Variants in HMX1 observed in about 807,000 individuals in gnomAD.
HMX1 encodes H6 family homeobox 1, also known as homeobox protein HMX1.
A neutral mutation model predicts 8.9 loss-of-function variants in HMX1; 8 were observed. That is an observed-to-expected ratio of 0.90 (90% CI 0.53 to 1.63). The LOEUF (loss-of-function observed/expected upper bound fraction) is 1.63, where lower values mean the gene tolerates loss of function less well. Among genes scored for constraint, HMX1 ranks in the 40% most tolerant of loss-of-function variants. HMX1 has a pLI of 0.00. For synonymous variants in HMX1, 311 were observed against 283.4 expected (o/e 1.10, Z -0.98); for missense variants, 621 against 558.5 (o/e 1.11, Z -1.13).
At chr4:8,865,417 C>G (rs551676131), downstream of HMX1, among the ~76,000 whole-genome samples, 1 of 152,124 alleles carries the variant, frequency 6.6e-6, no homozygotes, top group East Asian at 1.9e-4. Context: ...GCAGTGCCAC[C>G]GGCACACAGT....
At chr4:8,850,347 G>A (rs1429877575) in intron 1 of HMX1, among the ~76,000 whole-genome samples, 5 of 152,110 alleles carry the variant, frequency 3.3e-5, no homozygotes, top group African/African-American at 7.2e-5. Context: ...GACCCCTTCC[G>A]GTGGGGTTCC....
intron 1 of HMX1, among the ~76,000 whole-genome samples, chr4:8,850,699 G>A (rs1356742315): frequency 1.3e-5 from 2 of 152,108 alleles, no homozygotes; most frequent in African/African-American, 2.4e-5. Context: ...CTGCCCCTCC[G>A]CCTCCCTGGA....
chr4:8,851,116 C>T (rs564177471), intron 1 of HMX1, among the ~76,000 whole-genome samples: 283 of 152,372 alleles, frequency 1.9e-3, no homozygotes, highest in Middle Eastern at 0.01. Context: ...GCTGCCCAAG[C>T]AGCCGTCGTT....
In HMX1 at chr4:8,848,016, T is replaced by C. The variant is rs1473643923; in HGVS notation, c.395-1692A>G. Among the ~76,000 whole-genome samples the C allele has an allele frequency of 6.6e-6, 1 of 152,194 alleles. No homozygotes were observed. Among genetic ancestry groups the C allele is most frequent in the African/African-American group, 2.4e-5 (1 of 41,456 alleles). ...CATCTGAGCTCAGCGAACCGAATTT[T>C]GAATCTAAAACTCGACACTCGATTC... On this transcript the variant is annotated intron_variant, in intron 1 of 1. Transcript: ENST00000506970. The surrounding 1 kb of genome is among the most constrained non-coding windows in gnomAD (Gnocchi z 4.1).
chr4:8,859,338 T>C (rs759579952), intron 1 of HMX1, among the ~76,000 whole-genome samples: 19 of 152,156 alleles, frequency 1.2e-4, no homozygotes, highest in Non-Finnish European at 2.4e-4. Flanking sequence ...CTAGTCCCGA[T>C]TGACAGCCCT....
exon 2 of HMX1, chr4:8,846,287 T>C (rs1407947075): frequency 2.6e-6 from 4 of 1,535,176 alleles, no homozygotes; most frequent in Admixed American, 2.0e-5. Flanking sequence ...CCTGCCCCTC[T>C]CCACACTGCA....
In HMX1 at chr4:8,870,749, CTCT is replaced by C. The variant is rs1722184174; in HGVS notation, c.394+469_394+471del. ...CTCCCTTTCCCTCCATCTCTTCCTC[CTCT>C]TTTCTCTCTCGGATCACTCTTGGGT... On this transcript the variant is annotated intron_variant, in intron 1 of 1. Transcript: ENST00000400677. This position sits in a 1 kb window ranked among gnomAD's most constrained non-coding sequence, Gnocchi z 4.4. Among the ~76,000 whole-genome samples the C allele has an allele frequency of 6.6e-6, 1 of 151,494 alleles. No homozygotes were observed. Among genetic ancestry groups the C allele is most frequent in the South Asian group, 2.1e-4 (1 of 4,788 alleles).
At chr4:8,864,256 G>A (rs1303273776), downstream of HMX1, among the ~76,000 whole-genome samples, 2 of 152,196 alleles carry the variant, frequency 1.3e-5, no homozygotes, top group Non-Finnish European at 2.9e-5. Flanking sequence ...AGGAGAGAAG[G>A]GGTGTGATTA....
At chr4:8,860,054 C>T (rs1242111396) in intron 1 of HMX1, among the ~76,000 whole-genome samples, 1 of 152,252 alleles carries the variant, frequency 6.6e-6, no homozygotes, top group Non-Finnish European at 1.5e-5. Flanking sequence ...GCTGACAGCG[C>T]GAACTGCGTC....
chr4:8,865,167 C>T (rs4956758), downstream of HMX1, among the ~76,000 whole-genome samples: 121,342 of 152,182 alleles, frequency 0.8, 48,893 homozygotes, highest in Admixed American at 0.87. Context: ...TAAGGGGATT[C>T]GCCTGAGGAC....
At chr4:8,846,709 T>G (rs748662948) in intron 1 of HMX1, among the ~76,000 whole-genome samples, 2 of 143,810 alleles carry the variant, frequency 1.4e-5, no homozygotes, top group Admixed American at 1.4e-4. Flanking sequence ...CTCTCACCCC[T>G]TACCCCACCA....
At position 8,867,285 on chromosome 4, in the gene HMX1, C is replaced by G; in HGVS notation, c.*408G>C. ...AGGGACGTTTAGTGTTGGGGGCAGT[C>G]TGTGGGGACAGTCACCGCTCAGCCT... On this transcript the variant is annotated 3_prime_UTR_variant, in exon 2 of 2. Transcript: ENST00000400677. 1.0e-6 allele frequency: 1 copy of G among 987,714 alleles called. No individual in the cohort carries two copies. Among genetic ancestry groups the G allele is most frequent in the Non-Finnish European group, 1.2e-6 (1 of 831,574 alleles). The allele number at this position is 987,714 out of a possible 1,614,324, so 61.2% of individuals were successfully genotyped here.
intron 1 of HMX1, among the ~76,000 whole-genome samples, chr4:8,851,059 A>G (rs1396883861): frequency 6.6e-6 from 1 of 152,268 alleles, no homozygotes; most frequent in Non-Finnish European, 1.5e-5. Context: ...TCTGAACGGC[A>G]TTCCCATTTG....
downstream of HMX1, among the ~76,000 whole-genome samples, chr4:8,866,501 C>T (rs4245954): frequency 0.19 from 28,554 of 152,214 alleles, 3,650 homozygotes; most frequent in East Asian, 0.61. Context: ...AATAGGGGAA[C>T]GAGCTCTCCT....
At position 8,868,460 on chromosome 4, in the gene HMX1, T is replaced by TC. The variant is rs1302740184; in HGVS notation, c.395-116dup. Reference sequence around the variant, plus strand: ...CTCACAGCCACAAGCAGGAAGACCTTCCAGCACAGGGCTGGGCACCCAGCA... The same window carrying TC: ...CTCACAGCCACAAGCAGGAAGACCTTCCCAGCACAGGGCTGGGCACCCAGCA... On this transcript the variant is annotated intron_variant, in intron 1 of 1. Coordinates refer to ENST00000400677, the MANE Select transcript of HMX1 (RefSeq NM_018942.3). The surrounding 1 kb of genome is among the most constrained non-coding windows in gnomAD (Gnocchi z 4.6). 1.2e-6 allele frequency: 1 copy of TC among 826,436 alleles called. No homozygotes were observed. The highest frequency in any genetic ancestry group is 4.4e-5 in the Admixed American group (1 of 22,512). 51.2% of individuals were successfully genotyped at this position (826,436 alleles called of 1,614,324 possible). A position where few individuals can be genotyped will look rare whatever the true frequency, so the allele number is the denominator to read the frequency against.
At chr4:8,862,145 C>G (rs1464646322), downstream of HMX1, among the ~76,000 whole-genome samples, 3 of 152,254 alleles carry the variant, frequency 2.0e-5, no homozygotes, top group Non-Finnish European at 4.4e-5. Flanking sequence ...GCCGGGAAAG[C>G]TGCGTGGAAA....
intron 1 of HMX1, among the ~76,000 whole-genome samples, chr4:8,850,368 GT>G (rs1721407870): frequency 6.6e-6 from 1 of 152,116 alleles, no homozygotes; most frequent in South Asian, 2.1e-4. Flanking sequence ...TGGAGGTGTT[GT>G]CTCCATCCCC....
chr4:8,860,028 CG>C (rs907128148), intron 1 of HMX1, among the ~76,000 whole-genome samples: 1 of 152,232 alleles, frequency 6.6e-6, no homozygotes, highest in African/African-American at 2.4e-5. Context: ...AGAGCCCCGA[CG>C]GGGCCAACGG....
At position 8,868,063 on chromosome 4, in the gene HMX1, C is replaced by G. The variant is rs1303106642; in HGVS notation, c.677G>C (p.Arg226Pro). The G allele has an allele frequency of 6.5e-7, 1 of 1,539,126 alleles. No homozygotes were observed. The highest frequency in any genetic ancestry group is 1.4e-5 in the African/African-American group (1 of 71,482). Residue 226 changes from arginine (R) to proline (P), a missense_variant, in exon 2 of 2, where the codon CGC (arginine) becomes CCC (proline). By Grantham distance (103) the Arg-to-Pro change is moderately radical (BLOSUM62 -2). Coordinates refer to ENST00000400677, the MANE Select transcript of HMX1 (RefSeq NM_018942.3). This position sits in a 1 kb window ranked among gnomAD's most constrained non-coding sequence, Gnocchi z 4.6. ...FQLESTFDLK[R>P]YLSSAERAGL... ...GGCGCGCTCGGCGCTGCTCAGGTAG[C>G]GCTTCAGGTCGAAGGTGGATTCCAG...
Sources: gnomAD v4.1 joint callset for allele counts (sites outside exome capture counted in the v4.1 genomes callset) on GRCh38, gnomAD v4.1.1 for gene constraint, Gnocchi (gnomAD v3.1) non-coding constraint, MANE v1.5 for transcripts, NCBI Gene and HGNC (gene_info 2026-07-23, HGNC 2026-07-21) for gene names.